The following NUCB2 variants were observed in gnomAD, a reference collection of about 807,000 sequenced individuals.
The protein encoded by NUCB2 is nucleobindin 2.
Under a neutral mutation model 57.9 loss-of-function variants are expected in NUCB2, and 48 were observed. The ratio of observed to expected loss-of-function variants is 0.83; its 90% CI spans 0.66 to 1.05. The LOEUF (loss-of-function observed/expected upper bound fraction) is 1.05, where lower values mean the gene tolerates loss of function less well. Among genes scored for constraint, NUCB2 ranks in the 50% least tolerant of loss-of-function variants. NUCB2 has a pLI of 0.00. For missense variants in NUCB2, 442 were observed against 476.2 expected (o/e 0.93, Z 0.67); for synonymous variants, 139 against 152.1 (o/e 0.91, Z 0.64).
chr11:17,329,120 C>G (rs1380322249), intron 11 of NUCB2, among the ~76,000 whole-genome samples: 1 of 152,158 alleles, frequency 6.6e-6, no homozygotes, highest in Non-Finnish European at 1.5e-5. Context: ...CCTCACAACT[C>G]TGCCTGGTGT....
chr11:17,298,460 C>A (rs2138511840), intron 4 of NUCB2, among the ~76,000 whole-genome samples: 1 of 151,780 alleles, frequency 6.6e-6, no homozygotes, highest in East Asian at 2.0e-4. Flanking sequence ...CCCAGCTGCT[C>A]AGAAAGCTGA....
intron 2 of NUCB2, chr11:17,286,554 T>C (rs184098416): frequency 6.6e-5 from 10 of 152,196 alleles, no homozygotes; most frequent in Non-Finnish European, 1.5e-4. Flanking sequence ...CATCCTACTT[T>C]AGAGAGTAAA....
intron 11 of NUCB2, among the ~76,000 whole-genome samples, chr11:17,327,331 G>T (rs34452722): frequency 0.28 from 42,358 of 152,036 alleles, 7,122 homozygotes; most frequent in Admixed American, 0.41. Context: ...AAAGTGCTGA[G>T]ATTACAGGTG....
intron 11 of NUCB2, among the ~76,000 whole-genome samples, chr11:17,321,342 A>T (rs1949991139): frequency 6.6e-6 from 1 of 152,148 alleles, no homozygotes; most frequent in Non-Finnish European, 1.5e-5. Context: ...GATAAGTAGG[A>T]ACATGTGATA....
chr11:17,337,276 C>CACATTAACAGCCAGGAACAA (rs1951898545), intron 1 of NUCB2: 1 of 152,186 alleles, frequency 6.6e-6, no homozygotes, highest in Non-Finnish European at 1.5e-5. Flanking sequence ...TTAAAAAAAT[C>CACATTAACAGCCAGGAACAA]TGTTAACTTA....
intron 5 of NUCB2, among the ~76,000 whole-genome samples, chr11:17,303,446 A>T (rs928678444): frequency 5.3e-5 from 8 of 152,230 alleles, no homozygotes; most frequent in Admixed American, 3.9e-4. Flanking sequence ...AAAAATCTTT[A>T]AAATTTTGAT....
chr11:17,310,990 C>T lies in NUCB2; in HGVS notation c.649C>T (p.His217Tyr). 1 of 1,578,056 alleles carries T rather than the reference C, an allele frequency of 6.3e-7. No homozygotes were observed. The highest frequency in any genetic ancestry group is 8.5e-7 in the Non-Finnish European group (1 of 1,170,554). ...AGAAATGAAGAAAAAGCATGAAAAT[C>T]ACCCTAAAGTTAATCACCCAGTAAG... ...FEEMKKKHEN[H>Y]PKVNHPGSKD... Residue 217 changes from histidine to tyrosine, a missense_variant, in exon 7 of 14, where the codon CAC (histidine) becomes TAC (tyrosine). Coordinates refer to ENST00000529010, the MANE Select transcript of NUCB2 (RefSeq NM_005013.4).
chr11:17,303,730 C>T (rs1244835122), intron 5 of NUCB2, among the ~76,000 whole-genome samples: 1 of 151,778 alleles, frequency 6.6e-6, no homozygotes, highest in African/African-American at 2.4e-5. Context: ...ACTAAATATA[C>T]AAAAATCAGC....
At chr11:17,344,350 A>G (rs183533243) in intron 2 of NUCB2, among the ~76,000 whole-genome samples, 4 of 152,322 alleles carry the variant, frequency 2.6e-5, no homozygotes, top group Admixed American at 2.0e-4. Flanking sequence ...TTAATTCAGC[A>G]ATCTCTGGTT....
chr11:17,313,236 CT>C (rs35702516), intron 10 of NUCB2, among the ~76,000 whole-genome samples: 11 of 148,716 alleles, frequency 7.4e-5, no homozygotes, highest in South Asian at 6.4e-4. Flanking sequence ...AGGTATAAAA[CT>C]TTTTTTTTTG....
At chr11:17,312,143 AAT>A (rs773589492) in intron 10 of NUCB2, 23 bp downstream of exon 10, 1 of 1,098,062 alleles carries the variant, frequency 9.1e-7, no homozygotes, top group African/African-American at 1.6e-5. Context: ...AGTTTAAGAT[AAT>A]ATGTTATTTC....
chr11:17,282,273 T>C (rs2016686), intron 1 of NUCB2, among the ~76,000 whole-genome samples: 22,717 of 144,230 alleles, frequency 0.16, 2,070 homozygotes, highest in Middle Eastern at 0.31. Flanking sequence ...TTTTTTTTTT[T>C]CCCAAGACAG....
In NUCB2 at chr11:17,331,406, C is replaced by A; in HGVS notation, c.1256-6C>A. The A allele has an allele frequency of 7.0e-7, 1 of 1,438,116 alleles. No individual in the cohort carries two copies. The highest frequency in any genetic ancestry group is 9.2e-7 in the Non-Finnish European group (1 of 1,087,424). The allele number at this position is 1,438,116 out of a possible 1,614,324, so 89.1% of individuals were successfully genotyped here. The stretch of plus-strand genomic sequence containing the variant: ...AAAATAAGAACTTTTTTCTTTTTTC[C>A]AACAGACATTTAAAGTCTGAAGTCC... On this transcript the variant is annotated splice_region_variant and splice_polypyrimidine_tract_variant and intron_variant, in intron 13 of 13. Coordinates refer to ENST00000529010, the MANE Select transcript of NUCB2 (RefSeq NM_005013.4).
exon 2 of NUCB2, chr11:17,337,507 T>A (rs1951913941): frequency 6.6e-6 from 1 of 152,180 alleles, no homozygotes; most frequent in South Asian, 2.1e-4. Flanking sequence ...TAAAATTCAT[T>A]TGTTTCTGTT....
At chr11:17,320,074 C>CT (rs141700004) in intron 11 of NUCB2, among the ~76,000 whole-genome samples, 34,522 of 151,972 alleles carry the variant, frequency 0.23, 4,855 homozygotes, top group East Asian at 0.35. Flanking sequence ...TGATCTCGTT[C>CT]TTTTTTTATG....
At chr11:17,348,234 A>T (rs1236840300) in intron 2 of NUCB2, among the ~76,000 whole-genome samples, 1 of 151,132 alleles carries the variant, frequency 6.6e-6, no homozygotes, top group Non-Finnish European at 1.5e-5. Context: ...ATGCCTGGCC[A>T]GGTTGGACAC....
At chr11:17,317,925 G>A (rs1565446785) in intron 11 of NUCB2, among the ~76,000 whole-genome samples, 1 of 148,648 alleles carries the variant, frequency 6.7e-6, no homozygotes, top group East Asian at 2.0e-4. Flanking sequence ...GAATCCTCCT[G>A]CCTCAGCCTC....
intron 2 of NUCB2, among the ~76,000 whole-genome samples, chr11:17,338,028 C>T (rs935303811): frequency 2.0e-5 from 3 of 152,146 alleles, no homozygotes; most frequent in African/African-American, 7.2e-5. Flanking sequence ...GAGTTGTTAG[C>T]TATGAATTAG....
At chr11:17,302,928 C>T (rs943110122) in intron 5 of NUCB2, among the ~76,000 whole-genome samples, 7 of 152,016 alleles carry the variant, frequency 4.6e-5, no homozygotes, top group Non-Finnish European at 1.0e-4. Flanking sequence ...TTAGTAGAGA[C>T]GGGGTTTCAC....
Sources: gnomAD v4.1 joint callset for allele counts (sites outside exome capture counted in the v4.1 genomes callset) on GRCh38, gnomAD v4.1.1 for gene constraint, MANE v1.5 for transcripts, NCBI Gene and HGNC (gene_info 2026-07-23, HGNC 2026-07-21) for gene names.